HSP90AA1: variants seen among roughly 807,000 people sequenced by gnomAD.
HSP90AA1 encodes heat shock protein 90 alpha family class A member 1, also known as heat shock protein HSP 90-alpha.
Under a neutral mutation model 73.3 loss-of-function variants are expected in HSP90AA1, and 18 were observed. The ratio of observed to expected loss-of-function variants is 0.25; its 90% confidence interval spans 0.17 to 0.36. The LOEUF (loss-of-function observed/expected upper bound fraction) is 0.36. HSP90AA1 is among the 10% of genes least tolerant of loss of function. The pLI, the probability that HSP90AA1 is intolerant of heterozygous loss-of-function variation, is 1.00. For synonymous variants in HSP90AA1, 477 were observed against 296.9 expected (o/e 1.61, Z -6.24); for missense variants, 704 against 874.2 (o/e 0.81, Z 2.45).
intron 2 of HSP90AA1, 32 bp from the exon 3 acceptor site, chr14:102,086,156 A>G (rs2049226495): frequency 6.2e-7 from 1 of 1,613,988 alleles, no homozygotes; most frequent in South Asian, 1.1e-5. Context: ...TTAAGCATAC[A>G]GCACCCCCAA....
Position 102,101,724 on chromosome 14 carries a change from T to A in HSP90AA1, c.366+151A>T, listed in dbSNP as rs2049495579. On this transcript the variant is annotated intron_variant, in intron 2 of 11. Transcript: ENST00000334701. ...GCCTGTAGTGGACCCTCAGTAGATG[T>A]CAATGCAGTGGATGGGTAGGCAGGG... 3.0e-5 allele frequency: 21 copies of A among 695,512 alleles called. No individual in the cohort carries two copies. The East Asian group carries it at 5.7e-4, about 19-fold the overall frequency. The allele number at this position is 695,512 out of a possible 1,614,324, so 43.1% of individuals were successfully genotyped here.
chr14:102,101,535 C>T (rs2049493159), intron 2 of HSP90AA1, among the ~76,000 whole-genome samples: 1 of 152,244 alleles, frequency 6.6e-6, no homozygotes, highest in African/African-American at 2.4e-5. Flanking sequence ...AGTGGGTGCT[C>T]AAGGCGCAGC....
chr14:102,082,567 C>T (rs1458939741), intron 9 of HSP90AA1, 123 bp from the exon 10 acceptor site: 2 of 754,094 alleles, frequency 2.7e-6, no homozygotes, highest in Admixed American at 2.2e-5. Context: ...TCAAATACAA[C>T]TTAAATGTCG....
In HSP90AA1 at chr14:102,086,966, C is replaced by T. The variant is rs185820610; in HGVS notation, c.-1+20G>A. The T allele has an allele frequency of 2.2e-3, 2,117 of 983,884 alleles. 49 individuals are homozygous for T. In the African/African-American group the frequency reaches 0.035, roughly 16 times the overall value. The allele number at this position is 983,884 out of a possible 1,614,324, so 60.9% of individuals were successfully genotyped here. ...CCGGTCCCCAGTCCACCTCCACAGG[C>T]CCCCACAACCACCCGTCACCTTGGC... is the stretch of plus-strand genomic sequence containing the variant. On this transcript the variant is annotated intron_variant, in intron 1 of 10. Coordinates refer to ENST00000216281, the MANE Select transcript of HSP90AA1 (RefSeq NM_005348.4).
chr14:102,118,964 C>A (rs2049741394), intron 1 of HSP90AA1, among the ~76,000 whole-genome samples: 1 of 151,664 alleles, frequency 6.6e-6, no homozygotes, highest in African/African-American at 2.4e-5. Context: ...AAGTGATTCT[C>A]CCACCTCAGC....
At chr14:102,088,634 C>CA (rs1224084546), upstream of HSP90AA1, among the ~76,000 whole-genome samples, 1 of 152,160 alleles carries the variant, frequency 6.6e-6, no homozygotes, top group Non-Finnish European at 1.5e-5. Flanking sequence ...CCTGGGGGCG[C>CA]GCCCCCGGCC....
chr14:102,118,537 G>A (rs991868218), intron 1 of HSP90AA1, among the ~76,000 whole-genome samples: 16 of 151,148 alleles, frequency 1.1e-4, no homozygotes, highest in East Asian at 5.8e-4. Flanking sequence ...CACCATGCCC[G>A]GTCACTTTTT....
In HSP90AA1 at chr14:102,081,285, TGTC is replaced by T; in HGVS notation, c.*424_*426del. 3.4e-6 allele frequency: 1 copy of T among 291,248 alleles called. No homozygotes were observed. 18.0% of individuals were successfully genotyped at this position (291,248 alleles called of 1,614,324 possible). On this transcript the variant is annotated 3_prime_UTR_variant, in exon 11 of 11. Coordinates refer to ENST00000216281, the MANE Select transcript of HSP90AA1 (RefSeq NM_005348.4). Reference sequence around the variant, plus strand: ...TCTAGAGGACTAGTACATGCAGAATTGTCAACTACAGGGAATGAAAAGTTCAAA... The same window carrying T: ...TCTAGAGGACTAGTACATGCAGAATTAACTACAGGGAATGAAAAGTTCAAA...
chr14:102,102,224 A>C (rs1358305606), intron 1 of HSP90AA1: 1 of 736,662 alleles, frequency 1.4e-6, no homozygotes, highest in Non-Finnish European at 2.4e-6. Context: ...AATGGATTAA[A>C]ATATGTGATA....
intron 1 of HSP90AA1, among the ~76,000 whole-genome samples, chr14:102,125,589 C>G (rs75636299): frequency 6.6e-6 from 1 of 152,090 alleles, no homozygotes; most frequent in Admixed American, 6.6e-5. Context: ...GAATCTCCCC[C>G]GCTCAGAAAG....
intron 1 of HSP90AA1, among the ~76,000 whole-genome samples, chr14:102,105,034 T>TAAA (rs35769966): frequency 1.0e-5 from 1 of 97,480 alleles, no homozygotes; most frequent in African/African-American, 3.9e-5. Context: ...TCATCTCTAC[T>TAAA]AAAAAAAAAA....
At chr14:102,136,587 A>G (rs1370613905) in intron 1 of HSP90AA1, among the ~76,000 whole-genome samples, 1 of 112,764 alleles carries the variant, frequency 8.9e-6, no homozygotes, top group African/African-American at 3.4e-5. Context: ...AAAAAAAAAA[A>G]AAAGAAATAC....
chr14:102,088,989 C>A (rs372292777), upstream of HSP90AA1, among the ~76,000 whole-genome samples: 9 of 143,950 alleles, frequency 6.3e-5, no homozygotes, highest in Non-Finnish European at 1.0e-4. Flanking sequence ...TCACTGCAAC[C>A]TGCTCACTGC....
At chr14:102,122,560 C>G (rs943984575) in intron 1 of HSP90AA1, among the ~76,000 whole-genome samples, 1 of 151,956 alleles carries the variant, frequency 6.6e-6, no homozygotes, top group Non-Finnish European at 1.5e-5. Context: ...GGATTATAGG[C>G]GTGAGCCACT....
chr14:102,102,159 G>C, intron 1 of HSP90AA1: 2 of 1,286,610 alleles, frequency 1.6e-6, no homozygotes, highest in Non-Finnish European at 2.3e-6. Flanking sequence ...GGATGAACTT[G>C]GACAGCCCCA....
intron 1 of HSP90AA1, among the ~76,000 whole-genome samples, chr14:102,116,080 T>C (rs887105435): frequency 6.6e-6 from 1 of 152,064 alleles, no homozygotes; most frequent in Non-Finnish European, 1.5e-5. Context: ...GCCTCCTAAG[T>C]AGTTGAGACT....
Position 102,092,997 on chromosome 14 carries a change from G to A in HSP90AA1, c.367-6619C>T, listed in dbSNP as rs576155747. Among the ~76,000 whole-genome samples, 10 of 151,930 alleles carry A rather than the reference G, an allele frequency of 6.6e-5. No individual in the cohort carries two copies. The East Asian group carries it at 1.4e-3, about 21-fold the overall frequency. On this transcript the variant is annotated intron_variant, in intron 2 of 11. Coordinates refer to the HSP90AA1 transcript ENST00000334701. Reference sequence around the variant, plus strand: ...TGGCCTCACGTGATCCGCCTGCCTCGGCCTCCCAAAATGCTGGGGTTACGG... The same window carrying A: ...TGGCCTCACGTGATCCGCCTGCCTCAGCCTCCCAAAATGCTGGGGTTACGG...
chr14:102,139,359 AGG>A lies in HSP90AA1; in HGVS notation c.44_45del (p.Pro15LeufsTer13). The A allele has an allele frequency of 6.2e-7, 1 of 1,606,690 alleles. No homozygotes were observed. The highest frequency in any genetic ancestry group is 8.5e-7 in the Non-Finnish European group (1 of 1,177,192). ...GCGGGACAGTCCCTGTCCCGAAGGG[AGG>A]GCCCAGGAGGGGTGGAGCCGTCCCC... is the stretch of plus-strand genomic sequence containing the variant. On this transcript the variant is annotated frameshift_variant, in exon 1 of 12. Transcript: ENST00000334701. LOFTEE classifies it high-confidence loss of function.
Position 102,095,690 on chromosome 14 carries a change from TTC to T in HSP90AA1, c.366+6183_366+6184del, listed in dbSNP as rs2049415170. On this transcript the variant is annotated intron_variant, in intron 2 of 11. Transcript: ENST00000334701. ...TTTCCCTTGAACTCACCTTCAAATC[TTC>T]TGAGTCATCTTTGACTCATCTCTTG... is the stretch of plus-strand genomic sequence containing the variant. Among the ~76,000 whole-genome samples the T allele has an allele frequency of 3.3e-5, 5 of 152,180 alleles. No homozygotes were observed. The South Asian group carries it at 1.0e-3, about 31-fold the overall frequency.
Sources: gnomAD v4.1 joint callset for allele counts (sites outside exome capture counted in the v4.1 genomes callset) on GRCh38, gnomAD v4.1.1 for gene constraint, MANE v1.5 for transcripts, NCBI Gene and HGNC (gene_info 2026-07-23, HGNC 2026-07-21) for gene names.